Variants in AJAP1 observed in about 807,000 individuals in gnomAD.
AJAP1 encodes the protein adherens junction-associated protein 1.
In AJAP1, 5 loss-of-function variants were observed where a neutral mutation model predicts 35.0. The observed-to-expected ratio is 0.14, with a 90% CI of 0.07 to 0.30. The LOEUF (loss-of-function observed/expected upper bound fraction) is 0.30. Among genes scored for constraint, AJAP1 ranks in the 10% least tolerant of loss-of-function variants. AJAP1 has a pLI of 1.00. For missense variants in AJAP1, 586 were observed against 571.0 expected (o/e 1.03, Z -0.27); for synonymous variants, 284 against 249.3 (o/e 1.14, Z -1.31).
At chr1:4,681,422 G>T (rs114006221) in intron 1 of AJAP1, among the ~76,000 whole-genome samples, 1 of 152,184 alleles carries the variant, frequency 6.6e-6, no homozygotes, top group Admixed American at 6.5e-5. Flanking sequence ...CACCCTGGAC[G>T]CAGGCCTCTG....
At chr1:4,757,355 G>C (rs1463347095) in intron 2 of AJAP1, among the ~76,000 whole-genome samples, 4 of 152,190 alleles carry the variant, frequency 2.6e-5, no homozygotes, top group Non-Finnish European at 5.9e-5. Flanking sequence ...ATCTGGGCTG[G>C]CTTCAGCTGG....
chr1:4,717,266 G>A (rs1348195558), intron 2 of AJAP1, among the ~76,000 whole-genome samples: 2 of 152,220 alleles, frequency 1.3e-5, no homozygotes, highest in Non-Finnish European at 2.9e-5. Flanking sequence ...AGTGCTTGGT[G>A]TACAGTTAGT....
At chr1:4,775,580 C>A (rs563392379) in intron 5 of AJAP1, among the ~76,000 whole-genome samples, 1 of 152,292 alleles carries the variant, frequency 6.6e-6, no homozygotes, top group South Asian at 2.1e-4. Context: ...TTGCTGGGGG[C>A]GGGGAACCAG....
At position 4,787,278 on chromosome 1, in the gene AJAP1, GAA is replaced by G. The variant is rs1025783402; in HGVS notation, c.*4794_*4795del. The G allele has an allele frequency of 6.2e-6, 1 of 160,682 alleles. No homozygotes were observed. The highest frequency in any genetic ancestry group is 2.4e-5 in the African/African-American group (1 of 41,316). The allele number at this position is 160,682 out of a possible 1,614,324, so 10.0% of individuals were successfully genotyped here. On this transcript the variant is annotated 3_prime_UTR_variant, in exon 6 of 6. Coordinates refer to ENST00000378191, the MANE Select transcript of AJAP1 (RefSeq NM_018836.4). ...CAAACCAAAATAATTTCCAGAGAGA[GAA>G]GAGGCAGGAAGAGAGCAGAGCAGAG... is the stretch of plus-strand genomic sequence containing the variant.
intron 2 of AJAP1, among the ~76,000 whole-genome samples, chr1:4,755,852 T>A (rs1353474791): frequency 6.6e-6 from 1 of 151,532 alleles, no homozygotes; most frequent in Non-Finnish European, 1.5e-5. Flanking sequence ...GAGGAAACAC[T>A]GGAGTAAGGG....
intron 2 of AJAP1, among the ~76,000 whole-genome samples, chr1:4,740,528 G>A (rs943327740): frequency 6.6e-6 from 1 of 152,008 alleles, no homozygotes; most frequent in Non-Finnish European, 1.5e-5. Context: ...GCTCACGCCT[G>A]TCATCCCAGC....
At chr1:4,701,782 CA>C (rs1639994215) in intron 1 of AJAP1, among the ~76,000 whole-genome samples, 2 of 152,186 alleles carry the variant, frequency 1.3e-5, no homozygotes, top group Admixed American at 6.5e-5. Context: ...CCATCTTCTG[CA>C]AGGAGGGGCC....
At chr1:4,747,016 C>T (rs887742834) in intron 2 of AJAP1, among the ~76,000 whole-genome samples, 13 of 152,212 alleles carry the variant, frequency 8.5e-5, no homozygotes, top group African/African-American at 2.7e-4. Context: ...CAGGACAAGA[C>T]CGTGTTCACG....
rs1278951792 is a variant in AJAP1 at position 4,767,293 on chromosome 1, C to T, written c.830-2560C>T. Among the ~76,000 whole-genome samples, 3 of 151,558 alleles carry T rather than the reference C, an allele frequency of 2.0e-5. No homozygotes were observed. In the East Asian group the frequency reaches 5.8e-4, roughly 30 times the overall value. On this transcript the variant is annotated intron_variant, in intron 2 of 5. Transcript: ENST00000378191. The stretch of plus-strand genomic sequence containing the variant: ...ACATCAGTATCACCATCATTATGAT[C>T]ATCATGTCACTATCACCGTCATCAC...
In AJAP1 at chr1:4,725,472, G is replaced by A. The variant is rs150174952; in HGVS notation, c.829+12773G>A. On this transcript the variant is annotated intron_variant, in intron 2 of 5. Coordinates refer to ENST00000378191, the MANE Select transcript of AJAP1 (RefSeq NM_018836.4). ...CTTGTGACAGATGCTCAAAGTACAC[G>A]TTTAATGAATAGGTAGACTCCCTGT... Among the ~76,000 whole-genome samples the A allele has an allele frequency of 1.1e-3, 174 of 152,266 alleles. 1 individual carries two copies. Among genetic ancestry groups the A allele is most frequent in the African/African-American group, 3.8e-3 (158 of 41,562 alleles).
rs751240643 is a variant in AJAP1, at chr1:4,722,766, A to G, written c.829+10067A>G. On this transcript the variant is annotated intron_variant, in intron 2 of 5. Transcript: ENST00000378191. ...GGCTGTCTCCCTGTGTCTGTCTTCT[A>G]AGGACACTTGTCATTGGATTTAGGG... 3.9e-4 allele frequency among the ~76,000 whole-genome samples: 59 copies of G among 152,140 alleles called. 1 individual carries two copies. Among genetic ancestry groups the G allele is most frequent in the Non-Finnish European group, 6.6e-4 (45 of 68,034 alleles).
intron 2 of AJAP1, among the ~76,000 whole-genome samples, chr1:4,716,297 A>C (rs543897196): frequency 6.6e-6 from 1 of 152,376 alleles, no homozygotes; most frequent in Non-Finnish European, 1.5e-5. Flanking sequence ...CCTGTCTTCA[A>C]ATTCCTGGCT....
intron 1 of AJAP1, among the ~76,000 whole-genome samples, chr1:4,702,510 C>A (rs553523169): frequency 1.3e-5 from 2 of 152,346 alleles, no homozygotes; most frequent in South Asian, 2.1e-4. Context: ...ACCGTGGAAC[C>A]CTTCGTGAAG....
chr1:4,728,393 T>A (rs1158795882), intron 2 of AJAP1, among the ~76,000 whole-genome samples: 2 of 152,130 alleles, frequency 1.3e-5, no homozygotes, highest in Non-Finnish European at 2.9e-5. Context: ...TTCCTTTTAG[T>A]CTAAGCATGA....
chr1:4,725,107 C>T (rs910294907), intron 2 of AJAP1, among the ~76,000 whole-genome samples: 6 of 152,190 alleles, frequency 3.9e-5, no homozygotes, highest in East Asian at 1.9e-4. Context: ...GCACCTGGGG[C>T]GCCAGCTCAG....
intron 2 of AJAP1, among the ~76,000 whole-genome samples, chr1:4,761,168 G>A (rs575082050): frequency 2.0e-5 from 3 of 152,208 alleles, no homozygotes; most frequent in African/African-American, 7.2e-5. Context: ...TACCCACCTC[G>A]TCCTCACCCC....
intron 5 of AJAP1, among the ~76,000 whole-genome samples, 153 bp downstream of exon 5, chr1:4,774,711 G>T (rs1641908795): frequency 6.6e-6 from 1 of 152,088 alleles, no homozygotes; most frequent in African/African-American, 2.4e-5. Flanking sequence ...GCCGGCGGGG[G>T]GGGCTGGGCT....
chr1:4,707,985 T>C (rs1557618331), intron 1 of AJAP1, among the ~76,000 whole-genome samples: 1 of 150,304 alleles, frequency 6.7e-6, no homozygotes, highest in Non-Finnish European at 1.5e-5. Context: ...TTTTTTTTTT[T>C]TGAGACGCAG....
intron 1 of AJAP1, among the ~76,000 whole-genome samples, chr1:4,662,082 A>T (rs540897577): frequency 1.3e-5 from 2 of 151,476 alleles, no homozygotes; most frequent in East Asian, 1.9e-4. Flanking sequence ...GTGTGTGTGC[A>T]TTTTTTTTGA....
Sources: gnomAD v4.1 joint callset for allele counts (sites outside exome capture counted in the v4.1 genomes callset) on GRCh38, gnomAD v4.1.1 for gene constraint, MANE v1.5 for transcripts, NCBI Gene and HGNC (gene_info 2026-07-23, HGNC 2026-07-21) for gene names.